Variants in TANC1 observed in about 807,000 individuals in gnomAD.
The protein encoded by TANC1 is protein TANC1.
TANC1 carries 77 observed loss-of-function variants against 149.7 expected under a neutral mutation model. That is an observed-to-expected ratio of 0.51 (90% confidence interval 0.43 to 0.62). The LOEUF is 0.62. Ranked by LOEUF, TANC1 falls within the 20% of genes least tolerant of loss-of-function variation. TANC1 has a pLI of 0.00. For missense variants in TANC1, 1,985 were observed against 2,321.8 expected, an observed-to-expected ratio of 0.85 and a Z score of 2.98; for synonymous variants, 854 against 925.0, an observed-to-expected ratio of 0.92 and a Z score of 1.39.
intron 4 of TANC1, among the ~76,000 whole-genome samples, chr2:159,135,917 G>A (rs1348876235): frequency 2.0e-5 from 3 of 151,748 alleles, no homozygotes; most frequent in African/African-American, 2.4e-5. Flanking sequence ...TTTTGTTTTT[G>A]TTAGGGTTTA....
intron 2 of TANC1, chr2:159,004,055 C>T: frequency 5.0e-6 from 8 of 1,612,256 alleles, no homozygotes; most frequent in Non-Finnish European, 6.8e-6. Context: ...TTCATTTCAA[C>T]AATCCCAAAG....
chr2:159,022,179 G>A (rs2038881647), intron 2 of TANC1, among the ~76,000 whole-genome samples: 1 of 152,138 alleles, frequency 6.6e-6, no homozygotes, highest in African/African-American at 2.4e-5. Flanking sequence ...TCACTCTGGA[G>A]GTGACACTAC....
chr2:159,187,231 G>A (rs1488218150), intron 16 of TANC1, among the ~76,000 whole-genome samples: 1 of 152,198 alleles, frequency 6.6e-6, no homozygotes, highest in African/African-American at 2.4e-5. Flanking sequence ...GGAAGATGTG[G>A]GTGGTCAGGG....
At position 159,196,594 on chromosome 2, in the gene TANC1, A is replaced by G; in HGVS notation, c.2980-14A>G. ...TAATGCTCAGCTGTAACCTTCCCCT[A>G]CTCCTGCCCCCAGGTGGACCACTTG... On this transcript the variant is annotated splice_polypyrimidine_tract_variant and intron_variant, in intron 17 of 26. Coordinates refer to ENST00000263635, the MANE Select transcript of TANC1 (RefSeq NM_033394.3). The G allele has an allele frequency of 1.3e-6, 2 of 1,588,870 alleles. No individual in the cohort carries two copies. Among genetic ancestry groups the G allele is most frequent in the Non-Finnish European group, 1.7e-6 (2 of 1,164,036 alleles).
At chr2:159,037,310 T>C (rs2040269315) in intron 2 of TANC1, among the ~76,000 whole-genome samples, 1 of 152,178 alleles carries the variant, frequency 6.6e-6, no homozygotes, top group African/African-American at 2.4e-5. Context: ...ATTCTGTAGG[T>C]TGCCAGTTCA....
At position 159,172,137 on chromosome 2, in the gene TANC1, G is replaced by A; in HGVS notation, c.1368G>A (p.Gln456=). The change falls in exon 11 of 27, where the codon CAG becomes CAA. Residue 456 remains glutamine, a synonymous_variant. Transcript: ENST00000263635. ...GSSPKTSDPT[Q]DLHFTPLLSP... ...TCTCTGCAGCCTCTGACCCCACTCA[G>A]GATCTTCATTTCACTCCGTTGCTTT... is the stretch of plus-strand genomic sequence containing the variant. 3 of 1,614,150 alleles carry A rather than the reference G, an allele frequency of 1.9e-6. No homozygotes were observed. Among genetic ancestry groups the A allele is most frequent in the Non-Finnish European group, 2.5e-6 (3 of 1,180,016 alleles).
chr2:158,986,344 G>C (rs566388984), intron 1 of TANC1, among the ~76,000 whole-genome samples: 4 of 152,314 alleles, frequency 2.6e-5, no homozygotes, highest in Admixed American at 6.5e-5. Flanking sequence ...CAGGAGGGGA[G>C]GGGCAGAGTT....
intron 7 of TANC1, among the ~76,000 whole-genome samples, chr2:159,159,741 AGAGAG>A (rs1559367139): frequency 6.6e-6 from 1 of 151,148 alleles, no homozygotes; most frequent in Non-Finnish European, 1.5e-5. Context: ...AGAGAGAGAG[AGAGAG>A]AGAGAGAGAG....
At chr2:159,181,426 T>G (rs1694298233) in intron 14 of TANC1, among the ~76,000 whole-genome samples, 1 of 152,076 alleles carries the variant, frequency 6.6e-6, no homozygotes, top group Non-Finnish European at 1.5e-5. Context: ...CCTTCCCACG[T>G]AGCTGGGACT....
At chr2:159,218,797 G>C (rs1456177912) in intron 20 of TANC1, among the ~76,000 whole-genome samples, 1 of 152,218 alleles carries the variant, frequency 6.6e-6, no homozygotes, top group Non-Finnish European at 1.5e-5. Context: ...TTGGGTGTGT[G>C]GTGGGCGAGC....
chr2:159,202,051 C>G (rs1262250332), intron 19 of TANC1, among the ~76,000 whole-genome samples: 1 of 152,228 alleles, frequency 6.6e-6, no homozygotes, highest in African/African-American at 2.4e-5. Context: ...TTCAGTGAAT[C>G]TATTCCACAT....
intron 2 of TANC1, among the ~76,000 whole-genome samples, chr2:159,025,937 A>G (rs1330548934): frequency 6.6e-6 from 1 of 151,966 alleles, no homozygotes; most frequent in Non-Finnish European, 1.5e-5. Context: ...GTTTTTTGCT[A>G]TTTTTATTTT....
intron 2 of TANC1, among the ~76,000 whole-genome samples, chr2:159,059,227 G>A (rs919250259): frequency 6.6e-6 from 1 of 152,172 alleles, no homozygotes; most frequent in African/African-American, 2.4e-5. Flanking sequence ...ACCAGACTAG[G>A]TGCTGTACTT....
intron 20 of TANC1, among the ~76,000 whole-genome samples, 184 bp downstream of exon 20, chr2:159,217,814 T>C (rs2059445249): frequency 6.6e-6 from 1 of 152,192 alleles, no homozygotes; most frequent in African/African-American, 2.4e-5. Context: ...GTTGGCCACG[T>C]AGGCTGGGGA....
At position 159,178,756 on chromosome 2, in the gene TANC1, C is replaced by T. The variant is rs773269028; in HGVS notation, c.2103C>T (p.Leu701=). The T allele has an allele frequency of 7.4e-6, 12 of 1,614,150 alleles. No individual in the cohort carries two copies. The highest frequency in any genetic ancestry group is 2.7e-5 in the African/African-American group (2 of 75,052). The change falls in exon 14 of 27, where the codon CTC becomes CTT. Residue 701 remains leucine (L), a synonymous_variant. Transcript: ENST00000263635. ...KVSSHLVLRS[L]GSYLYLKLTL... is the part of the protein sequence containing the mutation. The stretch of plus-strand genomic sequence containing the variant: ...GCAGCCACCTGGTGCTGCGGAGCCT[C>T]GGCTCCTACCTGTACCTCAAGCTCA...
intron 2 of TANC1, among the ~76,000 whole-genome samples, chr2:159,042,012 G>C (rs1340394823): frequency 6.6e-6 from 1 of 152,252 alleles, no homozygotes; most frequent in Admixed American, 6.5e-5. Flanking sequence ...GTTCTCCTCT[G>C]TGCTTGGCTC....
chr2:159,176,747 C>A (rs1452905446), intron 13 of TANC1, among the ~76,000 whole-genome samples: 1 of 152,042 alleles, frequency 6.6e-6, no homozygotes, highest in African/African-American at 2.4e-5. Context: ...TCGAATTGCA[C>A]GTTCACTTTT....
At chr2:159,072,693 C>G (rs2043261775) in intron 3 of TANC1, among the ~76,000 whole-genome samples, 1 of 152,072 alleles carries the variant, frequency 6.6e-6, no homozygotes, top group Non-Finnish European at 1.5e-5. Flanking sequence ...GTGCAGCACA[C>G]CAACATGGCA....
intron 16 of TANC1, among the ~76,000 whole-genome samples, chr2:159,192,086 T>A (rs1293425596): frequency 6.6e-6 from 1 of 152,206 alleles, no homozygotes; most frequent in Non-Finnish European, 1.5e-5. Context: ...TTAAAACCTG[T>A]AGATAAAAAG....
Sources: gnomAD v4.1 joint callset for allele counts (sites outside exome capture counted in the v4.1 genomes callset) on GRCh38, gnomAD v4.1.1 for gene constraint, MANE v1.5 for transcripts, NCBI Gene and HGNC (gene_info 2026-07-23, HGNC 2026-07-21) for gene names.